Variants in GML observed in about 807,000 individuals in gnomAD.
GML encodes glycosylphosphatidylinositol anchored molecule like, also known as glycosyl-phosphatidylinositol-anchored molecule-like protein.
Under a neutral mutation model 8.2 loss-of-function variants are expected in GML, and 5 were observed. The ratio of observed to expected loss-of-function variants is 0.61; its 90% CI spans 0.32 to 1.28. GML has a LOEUF of 1.28. Among genes scored for constraint, GML ranks in the 50% most tolerant of loss-of-function variants. GML has a pLI of 0.06. For synonymous variants in GML, 72 were observed against 69.0 expected, an observed-to-expected ratio of 1.04 and a Z score of -0.22; for missense variants, 191 against 198.3, an observed-to-expected ratio of 0.96 and a Z score of 0.22.
rs1816506841 is a variant in GML at position 142,846,597 on chromosome 8, T to G, written c.384T>G (p.Thr128=). 1.2e-6 allele frequency: 2 copies of G among 1,613,898 alleles called. No individual in the cohort carries two copies. The highest frequency in any genetic ancestry group is 1.7e-6 in the Non-Finnish European group (2 of 1,179,766). ...GGGACATGTTACCCGATGAAGTAAC[T>G]GAGGAGGAGCTTCCAGAAGGAACTG... ...LERDMLPDEV[T]EEELPEGTVR... The change falls in exon 4 of 4, where the codon ACT becomes ACG. Residue 128 remains threonine (T), a synonymous_variant. Coordinates refer to ENST00000220940, the MANE Select transcript of GML (RefSeq NM_002066.3).
intron 3 of GML, among the ~76,000 whole-genome samples, chr8:142,841,878 C>T (rs1586544783): frequency 6.6e-6 from 1 of 152,322 alleles, no homozygotes; most frequent in Non-Finnish European, 1.5e-5. Context: ...TGCTCAGGGC[C>T]TTTCCTGTAG....
Position 142,846,283 on chromosome 8 carries a change from T to C in GML, c.182-112T>C, listed in dbSNP as rs1164190499. The C allele has an allele frequency of 1.8e-5, 12 of 674,352 alleles. No individual in the cohort carries two copies. The East Asian group carries it at 3.2e-4, about 18-fold the overall frequency. 41.8% of individuals were successfully genotyped at this position (674,352 alleles called of 1,614,324 possible). A position where few individuals can be genotyped will look rare whatever the true frequency, so the allele number is the denominator to read the frequency against. ...TAGACAATTTTATCACAGCTGGGAG[T>C]GTAGAATGTGTACATGGAGCTAATT... On this transcript the variant is annotated intron_variant, in intron 3 of 3. Transcript: ENST00000220940.
intron 1 of GML, among the ~76,000 whole-genome samples, chr8:142,839,436 G>A (rs1308270609): frequency 6.6e-6 from 1 of 152,236 alleles, no homozygotes; most frequent in Non-Finnish European, 1.5e-5. Context: ...TATCCCTGGG[G>A]TGTGGCTTCT....
chr8:142,835,612 T>A (rs1816329047), intron 1 of GML, among the ~76,000 whole-genome samples: 1 of 152,242 alleles, frequency 6.6e-6, no homozygotes, highest in African/African-American at 2.4e-5. Flanking sequence ...CCCAAAATAT[T>A]CTTGACTTCT....
chr8:142,841,574 C>T (rs978987725), intron 3 of GML, among the ~76,000 whole-genome samples: 2 of 152,194 alleles, frequency 1.3e-5, no homozygotes, highest in African/African-American at 4.8e-5. Context: ...CATTCAATTT[C>T]TGGTAGTCTA....
chr8:142,844,118 G>A (rs1816473257), intron 3 of GML, among the ~76,000 whole-genome samples: 1 of 152,058 alleles, frequency 6.6e-6, no homozygotes, highest in Non-Finnish European at 1.5e-5. Context: ...TGGATCCTGT[G>A]GTCAGGATTG....
At chr8:142,835,280 G>GGGTCCCA (rs767889882) in intron 1 of GML, among the ~76,000 whole-genome samples, 1 of 24,592 alleles carries the variant, frequency 4.1e-5, no homozygotes, top group Non-Finnish European at 7.1e-5. Context: ...CCGCTTCCCT[G>GGGTCCCA]GGGCCCCCCT....
chr8:142,842,994 T>C (rs1816455847), intron 3 of GML, among the ~76,000 whole-genome samples: 1 of 152,126 alleles, frequency 6.6e-6, no homozygotes, highest in Admixed American at 6.5e-5. Flanking sequence ...CTAGACTGTT[T>C]TAGAGGCTCC....
At chr8:142,840,664 A>G (rs1816417775) in intron 2 of GML, among the ~76,000 whole-genome samples, 154 bp downstream of exon 2, 1 of 152,160 alleles carries the variant, frequency 6.6e-6, no homozygotes, top group Admixed American at 6.5e-5. Flanking sequence ...AGGGCAGTCC[A>G]GGAGTAGTCA....
chr8:142,841,783 C>T (rs371869142), intron 3 of GML, among the ~76,000 whole-genome samples: 5 of 152,188 alleles, frequency 3.3e-5, no homozygotes, highest in Admixed American at 6.5e-5. Context: ...GATGTATGGC[C>T]AGAGGCCCAG....
chr8:142,838,773 GCT>G (rs1816377869), intron 1 of GML, among the ~76,000 whole-genome samples: 1 of 152,104 alleles, frequency 6.6e-6, no homozygotes, highest in South Asian at 2.1e-4. Context: ...CTTGGCCCTG[GCT>G]CTGTCTCCAG....
intron 3 of GML, among the ~76,000 whole-genome samples, chr8:142,844,183 T>C (rs1473457088): frequency 6.6e-6 from 1 of 152,222 alleles, no homozygotes; most frequent in Non-Finnish European, 1.5e-5. Context: ...TACTTCTGGT[T>C]TCTTGATCTC....
intron 3 of GML, 137 bp from the exon 4 acceptor site, chr8:142,846,258 T>C: frequency 1.6e-6 from 1 of 627,522 alleles, no homozygotes; most frequent in Non-Finnish European, 2.8e-6. Context: ...TCAAGTGTTC[T>C]AGACAATTTT....
At chr8:142,838,846 A>G (rs1046154985) in intron 1 of GML, among the ~76,000 whole-genome samples, 1 of 152,190 alleles carries the variant, frequency 6.6e-6, no homozygotes, top group African/African-American at 2.4e-5. Flanking sequence ...GTGCCCGAGG[A>G]AATCATACAG....
intron 1 of GML, among the ~76,000 whole-genome samples, chr8:142,837,942 C>T (rs1217321598): frequency 2.0e-5 from 3 of 148,990 alleles, no homozygotes; most frequent in Non-Finnish European, 3.0e-5. Context: ...TTTGGTTCCC[C>T]GTGAGCCAAG....
At chr8:142,844,888 G>A (rs573705750) in intron 3 of GML, among the ~76,000 whole-genome samples, 1 of 152,270 alleles carries the variant, frequency 6.6e-6, no homozygotes, top group Admixed American at 6.5e-5. Flanking sequence ...CTAAAGCTGC[G>A]TATCAAACAC....
intron 3 of GML, among the ~76,000 whole-genome samples, chr8:142,841,429 T>C (rs1016148238): frequency 6.6e-6 from 1 of 152,190 alleles, no homozygotes; most frequent in Non-Finnish European, 1.5e-5. Context: ...AGCCAGGTAC[T>C]CTGCAAAGTA....
intron 3 of GML, among the ~76,000 whole-genome samples, chr8:142,844,418 A>AAT (rs1563859851): frequency 6.6e-6 from 1 of 152,210 alleles, no homozygotes; most frequent in East Asian, 1.9e-4. Flanking sequence ...AATCGAACAA[A>AAT]ATAGTGCTAG....
chr8:142,839,987 C>T (rs975205012), intron 1 of GML, among the ~76,000 whole-genome samples: 3 of 151,334 alleles, frequency 2.0e-5, no homozygotes, highest in Non-Finnish European at 4.4e-5. Context: ...CCTCGTGTTG[C>T]TGAGCTGTGT....
Sources: allele counts gnomAD v4.1 joint callset (sites outside exome capture counted in the v4.1 genomes callset), GRCh38; gene constraint gnomAD v4.1.1; transcripts MANE v1.5; gene names NCBI Gene and HGNC (gene_info 2026-07-23, HGNC 2026-07-21).